GLDN: variants seen among roughly 807,000 people sequenced by gnomAD.
GLDN encodes the protein collomin.
Under a neutral mutation model 56.5 loss-of-function variants are expected in GLDN, and 47 were observed. The observed-to-expected ratio is 0.83, with a 90% CI of 0.66 to 1.06. The LOEUF is 1.06. GLDN is among the 50% of genes least tolerant of loss of function. GLDN has a pLI of 0.00. For synonymous variants in GLDN, 332 were observed against 278.8 expected (o/e 1.19, Z -1.90); for missense variants, 782 against 714.3 (o/e 1.09, Z -1.08).
In GLDN at chr15:51,406,416, T is replaced by A. The variant is rs2038385152; in HGVS notation, c.*1662T>A. The A allele has an allele frequency of 6.6e-6, 1 of 152,206 alleles. No homozygotes were observed. Among genetic ancestry groups the A allele is most frequent in the Non-Finnish European group, 1.5e-5 (1 of 68,032 alleles). 9.4% of individuals were successfully genotyped at this position (152,206 alleles called of 1,614,324 possible). A position where few individuals can be genotyped will look rare whatever the true frequency, so the allele number is the denominator to read the frequency against. ...TCTTATGTAAAGATTTTTCAGCAAC[T>A]TGTCCCAATTTGTGTGTATTCTGAA... On this transcript the variant is annotated 3_prime_UTR_variant, in exon 10 of 10. Coordinates refer to ENST00000335449, the MANE Select transcript of GLDN (RefSeq NM_181789.4).
intron 1 of GLDN, among the ~76,000 whole-genome samples, chr15:51,359,421 T>G (rs895095335): frequency 6.6e-6 from 1 of 152,198 alleles, no homozygotes; most frequent in Admixed American, 6.5e-5. Context: ...CTCTGGTACC[T>G]AAGCCAGGTA....
chr15:51,370,899 G>A (rs2037502822), intron 1 of GLDN, among the ~76,000 whole-genome samples: 1 of 152,128 alleles, frequency 6.6e-6, no homozygotes, highest in Non-Finnish European at 1.5e-5. Context: ...GGCTGAGGCA[G>A]GAGAATTGCT....
intron 5 of GLDN, among the ~76,000 whole-genome samples, chr15:51,395,989 A>C (rs999248632): frequency 6.6e-6 from 1 of 152,130 alleles, no homozygotes; most frequent in Non-Finnish European, 1.5e-5. Flanking sequence ...CTCACTTATT[A>C]CCAAGGAGAT....
Position 51,404,876 on chromosome 15 carries a change from A to T in GLDN, c.*122A>T. 6.0e-6 allele frequency: 4 copies of T among 672,136 alleles called. No homozygotes were observed. Among genetic ancestry groups the T allele is most frequent in the Non-Finnish European group, 1.1e-5 (4 of 378,364 alleles). 41.6% of individuals were successfully genotyped at this position (672,136 alleles called of 1,614,324 possible). A position where few individuals can be genotyped will look rare whatever the true frequency, so the allele number is the denominator to read the frequency against. ...TTAGAAAATAACCTCAAAAGTGTTT[A>T]TATGGTCAGTGAGCCCCGCTTAGTG... On this transcript the variant is annotated 3_prime_UTR_variant, in exon 10 of 10. Transcript: ENST00000335449.
chr15:51,409,218 C>A (rs1234967235), downstream of GLDN, among the ~76,000 whole-genome samples: 1 of 151,612 alleles, frequency 6.6e-6, no homozygotes, highest in East Asian at 2.0e-4. Context: ...AGTTATACAA[C>A]ATATTTACAT....
At chr15:51,346,663 A>C (rs2036984029) in intron 1 of GLDN, among the ~76,000 whole-genome samples, 1 of 152,206 alleles carries the variant, frequency 6.6e-6, no homozygotes, top group Non-Finnish European at 1.5e-5. Flanking sequence ...GCAAATAATA[A>C]ATAAACAAAT....
chr15:51,395,184 T>A (rs2038100596), intron 5 of GLDN, among the ~76,000 whole-genome samples: 1 of 152,182 alleles, frequency 6.6e-6, no homozygotes, highest in Admixed American at 6.5e-5. Context: ...AGATCTGGGA[T>A]CTAAGTATAA....
At chr15:51,354,381 C>T (rs1176747245) in intron 1 of GLDN, among the ~76,000 whole-genome samples, 1 of 152,184 alleles carries the variant, frequency 6.6e-6, no homozygotes, top group African/African-American at 2.4e-5. Context: ...TGCCTACCCC[C>T]ACCTAAGCCA....
downstream of GLDN, among the ~76,000 whole-genome samples, chr15:51,411,568 G>A (rs1175571279): frequency 1.3e-5 from 2 of 152,146 alleles, no homozygotes; most frequent in African/African-American, 4.8e-5. Flanking sequence ...TGGGCCACAC[G>A]GTCACTGTTG....
intron 1 of GLDN, among the ~76,000 whole-genome samples, chr15:51,350,327 C>A (rs1023234202): frequency 6.6e-6 from 1 of 152,096 alleles, no homozygotes; most frequent in African/African-American, 2.4e-5. Context: ...GAGATGCATA[C>A]CACACTAGGT....
At chr15:51,378,672 G>C (rs1178778230) in intron 2 of GLDN, among the ~76,000 whole-genome samples, 1 of 152,212 alleles carries the variant, frequency 6.6e-6, no homozygotes, top group Non-Finnish European at 1.5e-5. Context: ...TTAGCACTTT[G>C]AAGTGCTTTT....
chr15:51,347,182 A>C (rs2036993274), intron 1 of GLDN, among the ~76,000 whole-genome samples: 4 of 152,214 alleles, frequency 2.6e-5, no homozygotes. Context: ...TAGGAAAATC[A>C]GCAACAGAAA....
Position 51,401,723 on chromosome 15 carries a change from G to A in GLDN, c.1158G>A (p.Gly386=), listed in dbSNP as rs2038256065. 1 of 1,613,910 alleles carries A rather than the reference G, an allele frequency of 6.2e-7. No individual in the cohort carries two copies. Among genetic ancestry groups the A allele is most frequent in the East Asian group, 2.2e-5 (1 of 44,888 alleles). ...VYNNSLYYHK[G]GSNTLVRFEF... ...ACAACTCTCTCTACTACCACAAAGG[G>A]GGTTCTAATACCCTAGTGAGGTAAG... is the stretch of plus-strand genomic sequence containing the variant. Residue 386 remains glycine (G), a synonymous_variant, in exon 9 of 10, where the codon GGG becomes GGA. Coordinates refer to ENST00000335449, the MANE Select transcript of GLDN (RefSeq NM_181789.4).
rs2037807099 is a variant in GLDN at position 51,383,301 on chromosome 15, T to C, written c.416-135T>C. The C allele has an allele frequency of 3.2e-6, 3 of 933,002 alleles. No individual in the cohort carries two copies. In the South Asian group the frequency reaches 4.9e-5, roughly 15 times the overall value. The allele number at this position is 933,002 out of a possible 1,614,324, so 57.8% of individuals were successfully genotyped here. On this transcript the variant is annotated intron_variant, in intron 2 of 9. Coordinates refer to ENST00000335449, the MANE Select transcript of GLDN (RefSeq NM_181789.4). ...CTTTAAAGGGTCTTTTGGCCAAATATAACGAGTTCTAAATACAAGGTGTCA... is the reference window on the plus strand; with the variant it reads ...CTTTAAAGGGTCTTTTGGCCAAATACAACGAGTTCTAAATACAAGGTGTCA...
rs1197435257 is a variant in GLDN at position 51,383,907 on chromosome 15, T to C, written c.541+15T>C. The C allele has an allele frequency of 3.3e-6, 5 of 1,535,000 alleles. No individual in the cohort carries two copies. The highest frequency in any genetic ancestry group is 4.5e-6 in the Non-Finnish European group (5 of 1,118,444). On this transcript the variant is annotated intron_variant, in intron 4 of 9. Coordinates refer to ENST00000335449, the MANE Select transcript of GLDN (RefSeq NM_181789.4). ...AGGAAAAATGGGTATTTTTGGCAACTCTTCTAATTAATTTCCCTGTTATTT... is the reference window on the plus strand; with the variant it reads ...AGGAAAAATGGGTATTTTTGGCAACCCTTCTAATTAATTTCCCTGTTATTT...
chr15:51,391,974 T>C (rs2038031802), intron 4 of GLDN, among the ~76,000 whole-genome samples: 1 of 152,254 alleles, frequency 6.6e-6, no homozygotes, highest in Non-Finnish European at 1.5e-5. Context: ...GGTTGAAATC[T>C]AGCAAATTGT....
At chr15:51,397,706 T>C in intron 6 of GLDN, 108 bp downstream of exon 6, 1 of 1,290,644 alleles carries the variant, frequency 7.7e-7, no homozygotes, top group Non-Finnish European at 1.0e-6. Flanking sequence ...GGGAGGAGGG[T>C]TTTGTCCAAA....
rs373240763 is a variant in GLDN, at chr15:51,379,510, A to T, written c.415+2010A>T. ...ATGCCTAGGCAAATATCAATCACGG[A>T]TCAATGCTGCTGAGCACAGCCTCAT... is the stretch of plus-strand genomic sequence containing the variant. On this transcript the variant is annotated intron_variant, in intron 2 of 9. Transcript: ENST00000335449. Among the ~76,000 whole-genome samples the T allele has an allele frequency of 8.5e-5, 13 of 152,348 alleles. No homozygotes were observed. In the East Asian group the frequency reaches 1.5e-3, roughly 18 times the overall value.
chr15:51,362,229 A>T (rs1352713969), intron 1 of GLDN, among the ~76,000 whole-genome samples: 2 of 152,174 alleles, frequency 1.3e-5, no homozygotes, highest in Non-Finnish European at 2.9e-5. Context: ...TCATGCCTGT[A>T]ATCCCAGAAC....
Sources: allele counts gnomAD v4.1 joint callset (sites outside exome capture counted in the v4.1 genomes callset), GRCh38; gene constraint gnomAD v4.1.1; transcripts MANE v1.5; gene names NCBI Gene and HGNC (gene_info 2026-07-23, HGNC 2026-07-21).